CBFA2T3: variants seen among roughly 807,000 people sequenced by gnomAD.
The protein encoded by CBFA2T3 is transcriptional corepressor CBFA2T3.
In CBFA2T3, 31 loss-of-function variants were observed where a neutral mutation model predicts 58.6. The observed-to-expected ratio is 0.53, with a 90% CI of 0.40 to 0.71. The LOEUF (loss-of-function observed/expected upper bound fraction) is 0.71. Ranked by LOEUF, CBFA2T3 falls within the 30% of genes least tolerant of loss-of-function variation. The pLI, the probability that CBFA2T3 is intolerant of heterozygous loss-of-function variation, is 0.00. For missense variants in CBFA2T3, 1,076 were observed against 963.1 expected (o/e 1.12, Z -1.55); for synonymous variants, 531 against 421.9 (o/e 1.26, Z -3.17).
intron 1 of CBFA2T3, among the ~76,000 whole-genome samples, chr16:88,905,065 C>G (rs117458677): frequency 1.3e-5 from 2 of 151,848 alleles, no homozygotes; most frequent in African/African-American, 4.8e-5. Flanking sequence ...GGTAGAGGAA[C>G]AGCATTTGTG....
At position 88,925,344 on chromosome 16, in the gene CBFA2T3, C is replaced by T. The variant is rs535747440; in HGVS notation, c.152-23688G>A. Among the ~76,000 whole-genome samples the T allele has an allele frequency of 7.0e-4, 107 of 152,318 alleles. 1 individual carries two copies. The highest frequency in any genetic ancestry group is 2.4e-3 in the African/African-American group (101 of 41,568). On this transcript the variant is annotated intron_variant, in intron 1 of 11. Coordinates refer to ENST00000268679, the MANE Select transcript of CBFA2T3 (RefSeq NM_005187.6). ...CTGCTCCCTCCTGAGCGGTGCCTTC[C>T]GGGTACCCTGACTCATCCACCAGGC... is the stretch of plus-strand genomic sequence containing the variant.
In CBFA2T3 at chr16:88,886,054, T is replaced by A; in HGVS notation, c.800A>T (p.Gln267Leu). The stretch of plus-strand genomic sequence containing the variant: ...GGAGGCGCTGGCGTCCAGCAGGAGC[T>A]GCTCATGCTGGGCCAAGTACTGGGC... ...TPAQYLAQHE[Q>L]LLLDASASSP... Residue 267 changes from glutamine to leucine, a missense_variant, in exon 6 of 12, where the codon CAG (glutamine) becomes CTG (leucine). Gln to Leu is a moderately radical substitution (Grantham distance 113). Transcript: ENST00000268679. 1 of 1,586,588 alleles carries A rather than the reference T, an allele frequency of 6.3e-7. No homozygotes were observed. Among genetic ancestry groups the A allele is most frequent in the Non-Finnish European group, 8.5e-7 (1 of 1,171,018 alleles).
intron 5 of CBFA2T3, among the ~76,000 whole-genome samples, chr16:88,889,760 G>GTGAATCTAGAAC: frequency 6.8e-6 from 1 of 146,134 alleles, no homozygotes; most frequent in African/African-American, 2.5e-5. Flanking sequence ...GACGCCCCGC[G>GTGAATCTAGAAC]ATTCCTCCTC....
intron 1 of CBFA2T3, among the ~76,000 whole-genome samples, chr16:88,965,387 A>C (rs749747885): frequency 1.2e-4 from 19 of 152,212 alleles, no homozygotes; most frequent in Admixed American, 6.5e-5. Flanking sequence ...ACAGTTTTTG[A>C]GACTGTTTAA....
intron 1 of CBFA2T3, among the ~76,000 whole-genome samples, chr16:88,929,699 C>A (rs1971215337): frequency 6.6e-6 from 1 of 150,622 alleles, no homozygotes; most frequent in South Asian, 2.1e-4. Context: ...GCTGCGTGGT[C>A]CACGCAAAAA....
chr16:88,941,136 C>T (rs1971711488), intron 1 of CBFA2T3: 1 of 983,516 alleles, frequency 1.0e-6, no homozygotes, highest in Admixed American at 6.2e-5. Flanking sequence ...GGCGGCTGCG[C>T]GCTGTCTTCT....
At chr16:88,881,606 CGT>C in intron 8 of CBFA2T3, 117 bp from the exon 9 acceptor site, 1 of 1,055,776 alleles carries the variant, frequency 9.5e-7, no homozygotes, top group Non-Finnish European at 1.4e-6. Flanking sequence ...GCCCACCGCC[CGT>C]GAGAGTAAGG....
At chr16:88,910,699 G>A (rs1276864120) in intron 1 of CBFA2T3, among the ~76,000 whole-genome samples, 1 of 152,246 alleles carries the variant, frequency 6.6e-6, no homozygotes, top group Non-Finnish European at 1.5e-5. Context: ...AAACAGAGGA[G>A]AACCTGGTGC....
intron 1 of CBFA2T3, among the ~76,000 whole-genome samples, chr16:88,903,446 T>A (rs1970177903): frequency 6.6e-6 from 1 of 152,110 alleles, no homozygotes; most frequent in South Asian, 2.1e-4. Flanking sequence ...CGGCACCTGC[T>A]GTCCCCTCCG....
intron 1 of CBFA2T3, among the ~76,000 whole-genome samples, chr16:88,963,814 G>C (rs972512670): frequency 2.0e-5 from 3 of 152,252 alleles, no homozygotes; most frequent in African/African-American, 7.2e-5. Flanking sequence ...GGTTCTGCGG[G>C]ATCCTGGAAT....
intron 3 of CBFA2T3, among the ~76,000 whole-genome samples, chr16:88,897,455 C>T (rs908674428): frequency 3.3e-5 from 5 of 152,246 alleles, no homozygotes; most frequent in Admixed American, 6.5e-5. Flanking sequence ...TAACCACCAC[C>T]TGGTAAGAGC....
chr16:88,925,122 C>T (rs975214766), intron 1 of CBFA2T3, among the ~76,000 whole-genome samples: 4 of 152,232 alleles, frequency 2.6e-5, no homozygotes, highest in African/African-American at 9.6e-5. Context: ...TCCTGGACAC[C>T]GAGCTCGCTG....
At chr16:88,929,683 C>T (rs1432853054) in intron 1 of CBFA2T3, among the ~76,000 whole-genome samples, 2 of 150,394 alleles carry the variant, frequency 1.3e-5, no homozygotes, top group Admixed American at 6.6e-5. Context: ...ACTACCAATA[C>T]CCACAGCTGC....
rs780516730 is a variant in CBFA2T3 at position 88,876,034 on chromosome 16, C to G, written c.*942G>C. 86 of 232,918 alleles carry G rather than the reference C, an allele frequency of 3.7e-4. No homozygotes were observed. The highest frequency in any genetic ancestry group is 1.1e-4 in the Non-Finnish European group (13 of 117,720). 14.4% of individuals were successfully genotyped at this position (232,918 alleles called of 1,614,324 possible). A position where few individuals can be genotyped will look rare whatever the true frequency, so the allele number is the denominator to read the frequency against. On this transcript the variant is annotated 3_prime_UTR_variant, in exon 12 of 12. Transcript: ENST00000268679. ...ATATCCCGACACCCACAAACAAAAT[C>G]AGAACAGAAGAGAAAAAGACCCACA... is the stretch of plus-strand genomic sequence containing the variant.
In CBFA2T3 at chr16:88,920,156, T is replaced by A. The variant is rs191382323; in HGVS notation, c.152-18500A>T. The stretch of plus-strand genomic sequence containing the variant: ...CCACACCAGGGACTCGCAAGTCAGC[T>A]GACCAGTGAAGCTTGTGCAACGGTG... On this transcript the variant is annotated intron_variant, in intron 1 of 11. Transcript: ENST00000268679. 1.9e-3 allele frequency among the ~76,000 whole-genome samples: 292 copies of A among 152,342 alleles called. 2 individuals carry two copies. Among genetic ancestry groups the A allele is most frequent in the Non-Finnish European group, 2.2e-3 (152 of 68,022 alleles).
intron 1 of CBFA2T3, among the ~76,000 whole-genome samples, chr16:88,974,556 A>G (rs1972745523): frequency 1.3e-5 from 2 of 152,130 alleles, no homozygotes; most frequent in Admixed American, 1.3e-4. Flanking sequence ...GCAGCAACAC[A>G]GCCCTGCTCA....
chr16:88,949,776 C>A (rs1597781043), intron 1 of CBFA2T3, among the ~76,000 whole-genome samples: 1 of 151,946 alleles, frequency 6.6e-6, no homozygotes, highest in South Asian at 2.1e-4. Flanking sequence ...TTTGGGAGGC[C>A]GAGGCAGGCA....
chr16:88,884,860 A>G (rs894788947), intron 7 of CBFA2T3, 186 bp downstream of exon 7: 3 of 539,036 alleles, frequency 5.6e-6, no homozygotes, highest in Non-Finnish European at 3.2e-6. Context: ...TTCAGGGCCC[A>G]GGACAGGCCC....
At chr16:88,908,432 C>T (rs1009540255) in intron 1 of CBFA2T3, among the ~76,000 whole-genome samples, 10 of 152,168 alleles carry the variant, frequency 6.6e-5, no homozygotes, top group South Asian at 2.1e-4. Flanking sequence ...CTTTCCCAGA[C>T]GGCACATCCA....
Sources: allele counts gnomAD v4.1 joint callset (sites outside exome capture counted in the v4.1 genomes callset), GRCh38; gene constraint gnomAD v4.1.1; transcripts MANE v1.5; gene names NCBI Gene and HGNC (gene_info 2026-07-23, HGNC 2026-07-21).